Variants in NDE1 observed in about 807,000 individuals in gnomAD.
NDE1 encodes nuclear distribution protein nudE homolog 1.
In NDE1, 28 loss-of-function variants were observed where a neutral mutation model predicts 43.4. The observed-to-expected ratio is 0.65, with a 90% CI of 0.48 to 0.89. The LOEUF is 0.89. NDE1 is among the 40% of genes least tolerant of loss of function. The pLI is 0.00. For synonymous variants in NDE1, 184 were observed against 172.0 expected (o/e 1.07, Z -0.55); for missense variants, 441 against 434.1 (o/e 1.02, Z -0.14).
At chr16:15,660,854 C>G (rs766218518) in intron 1 of NDE1, among the ~76,000 whole-genome samples, 1 of 152,162 alleles carries the variant, frequency 6.6e-6, no homozygotes, top group Non-Finnish European at 1.5e-5. Context: ...TCTCATCTCT[C>G]TCACTCTGTT....
intron 8 of NDE1, among the ~76,000 whole-genome samples, chr16:15,711,654 G>A (rs546989241): frequency 5.3e-5 from 8 of 152,126 alleles, no homozygotes; most frequent in Non-Finnish European, 1.2e-4. Context: ...TCTAGGACCC[G>A]AGGGATAAAG....
intron 8 of NDE1, among the ~76,000 whole-genome samples, chr16:15,711,717 G>A (rs958805518): frequency 6.6e-6 from 1 of 151,858 alleles, no homozygotes; most frequent in African/African-American, 2.4e-5. Flanking sequence ...TTTTGAGACC[G>A]AGTTTTGGTC....
In NDE1 at chr16:15,696,822, A is replaced by G. The variant is rs538373943; in HGVS notation, c.909A>G (p.Arg303=). The change falls in exon 8 of 9, where the codon AGA becomes AGG. Residue 303 remains arginine (R), a synonymous_variant. Transcript: ENST00000396354. ...RSSKNRDGGE[R]RPSSTSVPLG... is the part of the protein sequence containing the mutation. ...GCAAGAACAGAGATGGCGGGGAGAG[A>G]CGGCCAAGCAGCACCAGCGTGCCTT... 6.2e-7 allele frequency: 1 copy of G among 1,614,118 alleles called. No homozygotes were observed. The highest frequency in any genetic ancestry group is 8.5e-7 in the Non-Finnish European group (1 of 1,180,030).
intron 8 of NDE1, among the ~76,000 whole-genome samples, chr16:15,707,855 C>G (rs927380706): frequency 6.6e-6 from 1 of 151,610 alleles, no homozygotes; most frequent in Admixed American, 6.6e-5. Flanking sequence ...GCCTGTAATC[C>G]CAGCTACTCA....
At chr16:15,699,616 G>T (rs757019735) in intron 8 of NDE1, 1 of 1,243,534 alleles carries the variant, frequency 8.0e-7, no homozygotes, top group South Asian at 1.3e-5. Flanking sequence ...TTGAGACCCT[G>T]TGAGACCCTG....
chr16:15,660,394 G>A (rs1157197454), intron 1 of NDE1, among the ~76,000 whole-genome samples: 1 of 151,900 alleles, frequency 6.6e-6, no homozygotes, highest in Non-Finnish European at 1.5e-5. Flanking sequence ...GATCAGTGCC[G>A]CCTAGGAGTT....
intron 8 of NDE1, among the ~76,000 whole-genome samples, chr16:15,698,534 A>T (rs746532857): frequency 6.6e-6 from 1 of 152,206 alleles, no homozygotes; most frequent in East Asian, 1.9e-4. Flanking sequence ...TTTCCATGGC[A>T]TGCACATAAC....
At chr16:15,668,236 C>G (rs1199984594) in intron 3 of NDE1, among the ~76,000 whole-genome samples, 1 of 152,124 alleles carries the variant, frequency 6.6e-6, no homozygotes, top group South Asian at 2.1e-4. Flanking sequence ...GTGGTACACG[C>G]CTATAGTCCC....
In NDE1 at chr16:15,725,092, G is replaced by A; in HGVS notation, c.*841G>A. The A allele has an allele frequency of 2.2e-6, 2 of 902,296 alleles. No individual in the cohort carries two copies. Among genetic ancestry groups the A allele is most frequent in the East Asian group, 2.7e-5 (1 of 37,546 alleles). The allele number at this position is 902,296 out of a possible 1,614,324, so 55.9% of individuals were successfully genotyped here. A position where few individuals can be genotyped will look rare whatever the true frequency, so the allele number is the denominator to read the frequency against. ...AAACACATGGGCTAGTACTTGAGGT[G>A]TTCACTGATTGAGAAAATACCCGTG... is the stretch of plus-strand genomic sequence containing the variant. On this transcript the variant is annotated 3_prime_UTR_variant, in exon 9 of 9. Coordinates refer to ENST00000396354, the MANE Select transcript of NDE1 (RefSeq NM_017668.3).
At chr16:15,695,203 CTT>C (rs71134451) in intron 7 of NDE1, among the ~76,000 whole-genome samples, 264 of 79,682 alleles carry the variant, frequency 3.3e-3, no homozygotes, top group Admixed American at 0.014. Context: ...AAACTGCCAC[CTT>C]TTTTTTTTTT....
At chr16:15,710,729 T>C (rs1476605006) in intron 8 of NDE1, among the ~76,000 whole-genome samples, 1 of 150,886 alleles carries the variant, frequency 6.6e-6, no homozygotes, top group East Asian at 2.0e-4. Context: ...AAGGCTGGAG[T>C]ATAGAGGCTT....
In NDE1 at chr16:15,699,935, ATAGT is replaced by A. The variant is rs1372664277; in HGVS notation, c.947+3083_947+3086del. ...AGTTTGAGAAATAAGAGCAGTCACCATAGTTAGTTAGCTTTGCGGCCCAAGCCAA... is the reference window on the plus strand; with the variant it reads ...AGTTTGAGAAATAAGAGCAGTCACCATAGTTAGCTTTGCGGCCCAAGCCAA... On this transcript the variant is annotated intron_variant, in intron 8 of 8. Transcript: ENST00000396354. 2.7e-5 allele frequency: 33 copies of A among 1,230,872 alleles called. No homozygotes were observed. In the East Asian group the frequency reaches 3.4e-4, roughly 13 times the overall value. 76.2% of individuals were successfully genotyped at this position (1,230,872 alleles called of 1,614,324 possible).
intron 4 of NDE1, among the ~76,000 whole-genome samples, chr16:15,685,895 C>A (rs917025216): frequency 1.3e-5 from 2 of 151,274 alleles, no homozygotes; most frequent in South Asian, 2.1e-4. Context: ...ATAAAAATTG[C>A]TGAAAATTTA....
chr16:15,723,951 A>G (rs2040613684), intron 8 of NDE1, among the ~76,000 whole-genome samples: 1 of 152,244 alleles, frequency 6.6e-6, no homozygotes, highest in Admixed American at 6.5e-5. Context: ...GAAAAGTCAC[A>G]GTCATCAAGG....
chr16:15,708,360 G>A (rs897195071), intron 8 of NDE1, among the ~76,000 whole-genome samples: 1 of 152,182 alleles, frequency 6.6e-6, no homozygotes, highest in Non-Finnish European at 1.5e-5. Context: ...AGCCAAGTAC[G>A]TTCTCCAGGA....
chr16:15,713,379 T>C (rs2151187411), intron 8 of NDE1: 1 of 152,066 alleles, frequency 6.6e-6, no homozygotes, highest in Admixed American at 6.6e-5. Context: ...TGAGAGAGAA[T>C]GGGGAGGAGC....
intron 1 of NDE1, 50 bp downstream of exon 1, chr16:15,650,344 C>T (rs1240072491): frequency 1.8e-5 from 4 of 225,856 alleles, no homozygotes; most frequent in South Asian, 3.8e-5. Context: ...GTCCGGGGAC[C>T]TCCACCGCGG....
chr16:15,676,395 A>G (rs1567637549), intron 3 of NDE1, among the ~76,000 whole-genome samples: 1 of 151,716 alleles, frequency 6.6e-6, no homozygotes, highest in Admixed American at 6.6e-5. Flanking sequence ...TATTTTTAGT[A>G]GAGTCCAGAT....
At chr16:15,693,527 C>T (rs2038855996) in intron 6 of NDE1, among the ~76,000 whole-genome samples, 2 of 152,222 alleles carry the variant, frequency 1.3e-5, no homozygotes, top group East Asian at 1.9e-4. Flanking sequence ...TGGCTGGGCA[C>T]GGTGGCTCAT....
Sources: gnomAD v4.1 joint callset for allele counts (sites outside exome capture counted in the v4.1 genomes callset) on GRCh38, gnomAD v4.1.1 for gene constraint, MANE v1.5 for transcripts, NCBI Gene and HGNC (gene_info 2026-07-23, HGNC 2026-07-21) for gene names.